BTNL3: variants seen among roughly 807,000 people sequenced by gnomAD.
BTNL3 encodes butyrophilin like 3.
In BTNL3, 20 loss-of-function variants were observed where a neutral mutation model predicts 40.1. That is an observed-to-expected ratio of 0.50 (90% CI 0.35 to 0.72). BTNL3 has a LOEUF of 0.72. Ranked by LOEUF, BTNL3 falls within the 30% of genes least tolerant of loss-of-function variation. The probability of loss-of-function intolerance (pLI) is 0.01; values close to 1 mark genes in which losing one functional copy is unlikely to be tolerated. For missense variants in BTNL3, 449 were observed against 582.2 expected (o/e 0.77, Z 2.35); for synonymous variants, 179 against 222.1 (o/e 0.81, Z 1.73).
At chr5:180,998,416 G>T (rs1760061879) in intron 3 of BTNL3, among the ~76,000 whole-genome samples, 1 of 136,426 alleles carries the variant, frequency 7.3e-6, no homozygotes, top group Non-Finnish European at 1.7e-5. Flanking sequence ...TTCTAAAATT[G>T]ATTAAATAAG....
rs996332310 is a variant in BTNL3 at position 181,002,693 on chromosome 5, C to T, written c.695C>T (p.Pro232Leu). Residue 232 changes from proline to leucine, a missense_variant, in exon 4 of 8, where the codon CCT (proline) becomes CTT (leucine). Transcript: ENST00000342868. Reference sequence around the variant, plus strand: ...TCAGAGACGTTTTTCCAGCCCTCACCTTGGCGCCTGGCTTCTATTTTACTC... The same window carrying T: ...TCAGAGACGTTTTTCCAGCCCTCACTTTGGCGCCTGGCTTCTATTTTACTC... Reference protein sequence around the residue: ...LIGETFFQPSPWRLASILLGL... With the variant: ...LIGETFFQPSLWRLASILLGL... 2.1e-6 allele frequency: 3 copies of T among 1,456,130 alleles called. No individual in the cohort carries two copies. Among genetic ancestry groups the T allele is most frequent in the African/African-American group, 2.8e-5 (2 of 71,600 alleles). The allele number at this position is 1,456,130 out of a possible 1,614,324, so 90.2% of individuals were successfully genotyped here. A position where few individuals can be genotyped will look rare whatever the true frequency, so the allele number is the denominator to read the frequency against.
At chr5:181,004,648 A>G in intron 6 of BTNL3, 88 bp from the exon 7 acceptor site, 1 of 1,612,990 alleles carries the variant, frequency 6.2e-7, no homozygotes, top group Non-Finnish European at 8.5e-7. Context: ...ACACTCAAAA[A>G]GGGTCCCAAT....
intron 4 of BTNL3, among the ~76,000 whole-genome samples, chr5:181,003,084 C>T (rs1397682026): frequency 7.4e-6 from 1 of 136,044 alleles, no homozygotes; most frequent in African/African-American, 2.5e-5. Context: ...GGCTGAGTGC[C>T]GTGGCTCGTG....
rs1477148504 is a variant in BTNL3, at chr5:180,998,955, C to T, written c.673+1467C>T. ...CAGCCTGGCCATAATGGTGAAACCC[C>T]GTCTCTACTAAAAATACAAAAATTA... On this transcript the variant is annotated intron_variant, in intron 3 of 7. Transcript: ENST00000342868. Among the ~76,000 whole-genome samples, 7 of 135,956 alleles carry T rather than the reference C, an allele frequency of 5.1e-5. 1 individual carries two copies. Among genetic ancestry groups the T allele is most frequent in the African/African-American group, 1.5e-4 (6 of 39,586 alleles). 89.2% of individuals were successfully genotyped at this position (135,956 alleles called of 152,430 possible).
rs983699222 is a variant in BTNL3 at position 181,003,923 on chromosome 5, C to G, written c.808+47C>G. On this transcript the variant is annotated intron_variant, in intron 5 of 7. Coordinates refer to ENST00000342868, the MANE Select transcript of BTNL3 (RefSeq NM_197975.3). Reference sequence around the variant, plus strand: ...TCCCACACATGGTTCTCCCGGGTCCCTCCCTGATCCACAGTTTGAGCCTCT... The same window carrying G: ...TCCCACACATGGTTCTCCCGGGTCCGTCCCTGATCCACAGTTTGAGCCTCT... 4 of 1,613,722 alleles carry G rather than the reference C, an allele frequency of 2.5e-6. No individual in the cohort carries two copies. In the African/African-American group the frequency reaches 5.3e-5, roughly 22 times the overall value.
rs200761034 is a variant in BTNL3 at position 180,997,309 on chromosome 5, C to G, written c.494C>G (p.Ala165Gly). ...LSSGWFPQPT[A>G]KWKGPQGQDL... The stretch of plus-strand genomic sequence containing the variant: ...TCAGGCTGGTTCCCCCAGCCCACAG[C>G]CAAGTGGAAAGGTCCACAAGGACAG... The change falls in exon 3 of 8, where the codon GCC becomes GGC. Residue 165 changes from alanine to glycine, a missense_variant. Ala to Gly is a moderately conservative substitution (Grantham distance 60). This residue lies in a region of BTNL3 where 323 missense variants were observed against 464.9 expected (regional missense o/e 0.69). Transcript: ENST00000342868. 2.0e-5 allele frequency: 30 copies of G among 1,464,616 alleles called. 8 individuals carry two copies. The highest frequency in any genetic ancestry group is 2.8e-5 in the Non-Finnish European group (30 of 1,059,514). 90.7% of individuals were successfully genotyped at this position (1,464,616 alleles called of 1,614,324 possible).
chr5:180,997,142 T>C lies in BTNL3; in HGVS notation c.398-71T>C, dbSNP rs1760044910. 9 of 1,454,988 alleles carry C rather than the reference T, an allele frequency of 6.2e-6. 1 individual carries two copies. In the South Asian group the frequency reaches 9.0e-5, roughly 15 times the overall value. 90.1% of individuals were successfully genotyped at this position (1,454,988 alleles called of 1,614,324 possible). A position where few individuals can be genotyped will look rare whatever the true frequency, so the allele number is the denominator to read the frequency against. On this transcript the variant is annotated intron_variant, in intron 2 of 7. Coordinates refer to ENST00000342868, the MANE Select transcript of BTNL3 (RefSeq NM_197975.3). ...ATGTGTGTTATGGGTACAGGCTTGA[T>C]GAACCAGACTCAAAATGCTGTAAGC...
Position 181,006,268 on chromosome 5 carries a change from T to C in BTNL3, c.*396T>C. The C allele has an allele frequency of 2.6e-6, 1 of 381,088 alleles. No homozygotes were observed. The highest frequency in any genetic ancestry group is 4.6e-6 in the Non-Finnish European group (1 of 215,486). The allele number at this position is 381,088 out of a possible 1,614,324, so 23.6% of individuals were successfully genotyped here. A position where few individuals can be genotyped will look rare whatever the true frequency, so the allele number is the denominator to read the frequency against. ...AGGTGAAGATTAAAGAGACAACGAA[T>C]GTGAATCATGCTTGCAGGTTTGAGG... On this transcript the variant is annotated 3_prime_UTR_variant, in exon 8 of 8. Coordinates refer to ENST00000342868, the MANE Select transcript of BTNL3 (RefSeq NM_197975.3).
chr5:181,003,633 C>T, intron 4 of BTNL3, among the ~76,000 whole-genome samples: 1 of 147,102 alleles, frequency 6.8e-6, no homozygotes. Flanking sequence ...CCACAGCATC[C>T]CAGCTGTTGT....
chr5:181,004,697 G>A (rs375992218), intron 6 of BTNL3, 39 bp from the exon 7 acceptor site: 374 of 1,614,038 alleles, frequency 2.3e-4, no homozygotes, highest in Non-Finnish European at 3.0e-4. Context: ...TGTTTCCCAC[G>A]TGAGCACGGA....
rs1038655710 is a variant in BTNL3, at chr5:180,992,757, C to T, written c.50-56C>T. 9 of 1,445,892 alleles carry T rather than the reference C, an allele frequency of 6.2e-6. 1 individual carries two copies. The Admixed American group carries it at 7.8e-5, about 12-fold the overall frequency. 89.6% of individuals were successfully genotyped at this position (1,445,892 alleles called of 1,614,324 possible). On this transcript the variant is annotated intron_variant, in intron 1 of 7. Coordinates refer to ENST00000342868, the MANE Select transcript of BTNL3 (RefSeq NM_197975.3). Reference sequence around the variant, plus strand: ...CCCACACTTCTCCACCCACCAGAGCCCTGAGAAGGACTCAAGTGGATTTTG... The same window carrying T: ...CCCACACTTCTCCACCCACCAGAGCTCTGAGAAGGACTCAAGTGGATTTTG...
rs369608700 is a variant in BTNL3, at chr5:181,005,379, T to A, written c.908T>A (p.Val303Asp). ...DPETAHPKLC[V>D]SDLKTVTHRK... Reference sequence around the variant, plus strand: ...GAGACGGCTCACCCGAAGCTCTGCGTTTCTGATCTGAAAACTGTAACCCAT... The same window carrying A: ...GAGACGGCTCACCCGAAGCTCTGCGATTCTGATCTGAAAACTGTAACCCAT... Residue 303 changes from valine to aspartate, a missense_variant, in exon 8 of 8, where the codon GTT (valine) becomes GAT (aspartate). Transcript: ENST00000342868. 479 of 1,613,314 alleles carry A rather than the reference T, an allele frequency of 3.0e-4. No individual in the cohort carries two copies. Among genetic ancestry groups the A allele is most frequent in the Non-Finnish European group, 3.3e-4 (389 of 1,179,820 alleles).
chr5:181,001,648 A>G (rs1760111814), intron 3 of BTNL3, among the ~76,000 whole-genome samples: 1 of 133,486 alleles, frequency 7.5e-6, no homozygotes, highest in South Asian at 2.2e-4. Context: ...GATCGAGACC[A>G]TCCTGGCTAA....
At position 180,990,459 on chromosome 5, in the gene BTNL3, C is replaced by A. The variant is rs1759954653; in HGVS notation, c.49+1382C>A. Among the ~76,000 whole-genome samples, 2 of 137,734 alleles carry A rather than the reference C, an allele frequency of 1.5e-5. 1 individual carries two copies. The highest frequency in any genetic ancestry group is 3.3e-5 in the Non-Finnish European group (2 of 60,026). 90.4% of individuals were successfully genotyped at this position (137,734 alleles called of 152,430 possible). On this transcript the variant is annotated intron_variant, in intron 1 of 7. Transcript: ENST00000342868. Reference sequence around the variant, plus strand: ...GGCTGAAGGGCTGCTGTGTGGATTGCGTGAACTCGTGCATGTAGAGCGTCC... The same window carrying A: ...GGCTGAAGGGCTGCTGTGTGGATTGAGTGAACTCGTGCATGTAGAGCGTCC...
rs886399217 is a variant in BTNL3, at chr5:180,994,657, G to A, written c.397+1497G>A. Among the ~76,000 whole-genome samples, 9 of 135,908 alleles carry A rather than the reference G, an allele frequency of 6.6e-5. 2 individuals carry two copies. Among genetic ancestry groups the A allele is most frequent in the Middle Eastern group, 3.6e-3 (1 of 278 alleles). 89.2% of individuals were successfully genotyped at this position (135,908 alleles called of 152,430 possible). ...TCTCCTCTCCTTCTGGGACTATGAT[G>A]ATATAAATGTTGATATTTTGTTATT... On this transcript the variant is annotated intron_variant, in intron 2 of 7. Coordinates refer to ENST00000342868, the MANE Select transcript of BTNL3 (RefSeq NM_197975.3).
Position 181,005,689 on chromosome 5 carries a change from A to C in BTNL3, c.1218A>C (p.Arg406=). 1 of 1,614,070 alleles carries C rather than the reference A, an allele frequency of 6.2e-7. No homozygotes were observed. The highest frequency in any genetic ancestry group is 8.5e-7 in the Non-Finnish European group (1 of 1,180,016). ...TCCCCCCCAGCACCCCTCCTACACG[A>C]GTAGGGGTCTTCCTGGACTATGAGG... ...ISLPPSTPPT[R]VGVFLDYEGG... is the part of the protein sequence containing the mutation. Residue 406 remains arginine (R), a synonymous_variant, in exon 8 of 8, where the codon CGA becomes CGC. Transcript: ENST00000342868.
chr5:180,995,404 G>T (rs1459205977), intron 2 of BTNL3, among the ~76,000 whole-genome samples: 1 of 136,548 alleles, frequency 7.3e-6, no homozygotes, highest in Non-Finnish European at 1.7e-5. Context: ...CCTATGTAAA[G>T]CTTCTGTTTT....
intron 1 of BTNL3, among the ~76,000 whole-genome samples, chr5:180,992,493 G>C (rs1285197068): frequency 7.3e-6 from 1 of 136,690 alleles, no homozygotes; most frequent in Admixed American, 7.7e-5. Flanking sequence ...TTCTCCTCCA[G>C]TCAGGGAGTC....
At chr5:181,001,364 T>C (rs903970238) in intron 3 of BTNL3, among the ~76,000 whole-genome samples, 2 of 136,122 alleles carry the variant, frequency 1.5e-5, no homozygotes, top group Non-Finnish European at 3.3e-5. Flanking sequence ...AGTATAGTGG[T>C]GCAATCATGG....
Sources: gnomAD v4.1 joint callset for allele counts (sites outside exome capture counted in the v4.1 genomes callset) on GRCh38, gnomAD v4.1.1 for gene constraint, gnomAD v4.1.1 regional missense constraint, MANE v1.5 for transcripts, NCBI Gene and HGNC (gene_info 2026-07-23, HGNC 2026-07-21) for gene names.